Variants in RAD18 observed in about 807,000 individuals in gnomAD.
The protein encoded by RAD18 is RAD18 E3 ubiquitin protein ligase, also known as E3 ubiquitin-protein ligase RAD18.
Under a neutral mutation model 60.4 loss-of-function variants are expected in RAD18, and 47 were observed. The ratio of observed to expected loss-of-function variants is 0.78; its 90% CI spans 0.62 to 0.99. The LOEUF (loss-of-function observed/expected upper bound fraction) is 0.99, where lower values mean the gene tolerates loss of function less well. Among genes scored for constraint, RAD18 ranks in the 50% least tolerant of loss-of-function variants. The pLI, the probability that RAD18 is intolerant of heterozygous loss-of-function variation, is 0.00. For missense variants in RAD18, 640 were observed against 593.3 expected, an observed-to-expected ratio of 1.08 and a Z score of -0.82; for synonymous variants, 225 against 195.5, an observed-to-expected ratio of 1.15 and a Z score of -1.26.
chr3:8,952,067 C>T (rs1271023891), intron 2 of RAD18, among the ~76,000 whole-genome samples: 1 of 152,182 alleles, frequency 6.6e-6, no homozygotes, highest in East Asian at 1.9e-4. Flanking sequence ...AACACCAACA[C>T]ATTGGGGTTG....
intron 9 of RAD18, among the ~76,000 whole-genome samples, chr3:8,903,342 G>A (rs1258309959): frequency 2.0e-5 from 3 of 152,072 alleles, no homozygotes; most frequent in Non-Finnish European, 2.9e-5. Context: ...AGATACAAGA[G>A]AACTAAGAGT....
At position 8,933,244 on chromosome 3, in the gene RAD18, T is replaced by C. The variant is rs183527694; in HGVS notation, c.889+2627A>G. Among the ~76,000 whole-genome samples the C allele has an allele frequency of 6.6e-5, 10 of 152,284 alleles. No homozygotes were observed. In the East Asian group the frequency reaches 1.9e-3, roughly 29 times the overall value. Reference sequence around the variant, plus strand: ...TATACAATTTGTGTAATTCCACTTATGTGACAGTCTAGAAAAGGTAAAATT... The same window carrying C: ...TATACAATTTGTGTAATTCCACTTACGTGACAGTCTAGAAAAGGTAAAATT... On this transcript the variant is annotated intron_variant, in intron 7 of 12. Transcript: ENST00000264926.
In RAD18 at chr3:8,880,772, C is replaced by T. The variant is rs896816791; in HGVS notation, c.*585G>A. ...TTTAAATTATAATACTAATATCCTA[C>T]TCTGAGAAATGTGTAAGACACAGGT... On this transcript the variant is annotated 3_prime_UTR_variant, in exon 13 of 13. Coordinates refer to ENST00000264926, the MANE Select transcript of RAD18 (RefSeq NM_020165.4). 6 of 152,194 alleles carry T rather than the reference C, an allele frequency of 3.9e-5. No individual in the cohort carries two copies. Among genetic ancestry groups the T allele is most frequent in the African/African-American group, 1.4e-4 (6 of 41,438 alleles). 9.4% of individuals were successfully genotyped at this position (152,194 alleles called of 1,614,324 possible).
At chr3:8,958,800 C>T in intron 2 of RAD18, 120 bp downstream of exon 2, 1 of 765,614 alleles carries the variant, frequency 1.3e-6, no homozygotes, top group Non-Finnish European at 2.2e-6. Context: ...TTCTGAAAAA[C>T]TACAAGATAG....
chr3:8,956,371 G>A (rs1387672697), intron 2 of RAD18, among the ~76,000 whole-genome samples: 8 of 152,124 alleles, frequency 5.3e-5, no homozygotes, highest in Non-Finnish European at 1.0e-4. Flanking sequence ...AACGATTAAC[G>A]GTAGATAGCA....
Position 8,878,561 on chromosome 3 carries a change from G to A in RAD18, c.*2796C>T, listed in dbSNP as rs970721627. ...CAGAAACAGTTCTAGCCTTCTCTAT[G>A]TTGTCTATCCCTGTTGACACATCAG... On this transcript the variant is annotated 3_prime_UTR_variant, in exon 13 of 13. Transcript: ENST00000264926. 1 of 152,110 alleles carries A rather than the reference G, an allele frequency of 6.6e-6. No individual in the cohort carries two copies. The highest frequency in any genetic ancestry group is 2.4e-5 in the African/African-American group (1 of 41,408). The allele number at this position is 152,110 out of a possible 1,614,324, so 9.4% of individuals were successfully genotyped here.
chr3:8,897,000 A>T (rs1005359749), intron 11 of RAD18, among the ~76,000 whole-genome samples: 1 of 152,222 alleles, frequency 6.6e-6, no homozygotes, highest in Non-Finnish European at 1.5e-5. Flanking sequence ...TGGAGTTCTC[A>T]TGGATGTCTA....
At chr3:8,929,692 A>G (rs1298614505) in intron 7 of RAD18, among the ~76,000 whole-genome samples, 2 of 150,120 alleles carry the variant, frequency 1.3e-5, no homozygotes, top group Non-Finnish European at 3.0e-5. Context: ...CCCAGACTGT[A>G]GTGCAATGGC....
chr3:8,942,611 C>A (rs1200525821), intron 4 of RAD18, among the ~76,000 whole-genome samples: 1 of 152,156 alleles, frequency 6.6e-6, no homozygotes, highest in African/African-American at 2.4e-5. Flanking sequence ...CCAAGACTTA[C>A]TTTACCCTGG....
chr3:8,913,491 T>C (rs1466689623), intron 8 of RAD18, among the ~76,000 whole-genome samples, 153 bp downstream of exon 8: 1 of 152,210 alleles, frequency 6.6e-6, no homozygotes, highest in Non-Finnish European at 1.5e-5. Flanking sequence ...TACAATCAAA[T>C]ATTGTCCTAA....
At chr3:8,938,579 T>G (rs1462112860) in intron 6 of RAD18, among the ~76,000 whole-genome samples, 2 of 152,122 alleles carry the variant, frequency 1.3e-5, no homozygotes, top group East Asian at 1.9e-4. Context: ...CCTATTATCT[T>G]GCCCTTGCCT....
At chr3:8,934,078 G>A (rs1042652936) in intron 7 of RAD18, among the ~76,000 whole-genome samples, 1 of 145,462 alleles carries the variant, frequency 6.9e-6, no homozygotes, top group East Asian at 1.9e-4. Flanking sequence ...GCATCAATTG[G>A]TTATTCATAT....
intron 9 of RAD18, among the ~76,000 whole-genome samples, chr3:8,908,030 C>T (rs979254455): frequency 6.6e-5 from 10 of 152,130 alleles, no homozygotes; most frequent in South Asian, 2.1e-4. Context: ...TCCCATAATA[C>T]GGGGGCTCAT....
chr3:8,932,755 A>G (rs1213926153), intron 7 of RAD18, among the ~76,000 whole-genome samples: 1 of 152,220 alleles, frequency 6.6e-6, no homozygotes, highest in Admixed American at 6.5e-5. Context: ...GTGAAGGGAT[A>G]TACAAATTGT....
chr3:8,926,368 T>G (rs947505247), intron 7 of RAD18, among the ~76,000 whole-genome samples: 1 of 152,202 alleles, frequency 6.6e-6, no homozygotes, highest in Non-Finnish European at 1.5e-5. Context: ...GAAGGACCTC[T>G]TCAAGGAGAA....
chr3:8,947,995 T>C (rs976760335), intron 3 of RAD18, among the ~76,000 whole-genome samples: 6 of 152,336 alleles, frequency 3.9e-5, no homozygotes, highest in African/African-American at 1.2e-4. Flanking sequence ...TTCCCACTTA[T>C]GTTTAATTAC....
chr3:8,930,986 C>T (rs1011857805), intron 7 of RAD18, among the ~76,000 whole-genome samples: 33 of 152,012 alleles, frequency 2.2e-4, no homozygotes, highest in Admixed American at 3.9e-4. Context: ...CACTTTTATT[C>T]CACATCACAC....
chr3:8,945,939 AT>A (rs1303161614), intron 4 of RAD18, among the ~76,000 whole-genome samples: 11 of 152,248 alleles, frequency 7.2e-5, no homozygotes, highest in Non-Finnish European at 1.3e-4. Flanking sequence ...AGTTAAAAAA[AT>A]ATAAAAGTTT....
At chr3:8,897,673 G>A (rs2125049543) in intron 11 of RAD18, among the ~76,000 whole-genome samples, 1 of 152,292 alleles carries the variant, frequency 6.6e-6, no homozygotes. Context: ...CTAAGTTTCA[G>A]CGTCATTAAA....
Sources: allele counts gnomAD v4.1 joint callset (sites outside exome capture counted in the v4.1 genomes callset), GRCh38; gene constraint gnomAD v4.1.1; transcripts MANE v1.5; gene names NCBI Gene and HGNC (gene_info 2026-07-23, HGNC 2026-07-21).